CLASP1: variants seen among roughly 807,000 people sequenced by gnomAD.
CLASP1 encodes the protein cytoplasmic linker associated protein 1, also known as CLIP-associating protein 1.
Under a neutral mutation model 192.3 loss-of-function variants are expected in CLASP1, and 38 were observed. The observed-to-expected ratio is 0.20, with a 90% CI of 0.15 to 0.26. The LOEUF (loss-of-function observed/expected upper bound fraction) is 0.26. Ranked by LOEUF, CLASP1 falls within the 10% of genes least tolerant of loss-of-function variation. The pLI is 1.00. For synonymous variants in CLASP1, 691 were observed against 712.8 expected (o/e 0.97, Z 0.49); for missense variants, 1,433 against 1,932.5 (o/e 0.74, Z 4.85).
intron 8 of CLASP1, chr2:121,470,610 T>C: frequency 2.3e-6 from 1 of 443,216 alleles, no homozygotes; most frequent in Non-Finnish European, 4.5e-6. Context: ...TTCTAATTCC[T>C]CACCATTAGA....
intron 17 of CLASP1, 83 bp downstream of exon 17, chr2:121,448,867 AAAC>A (rs1559238229): frequency 1.4e-6 from 2 of 1,389,932 alleles, no homozygotes. Flanking sequence ...ACCCATGTAA[AAAC>A]ATAGCTAGAA....
chr2:121,473,519 C>T (rs2091121639), intron 8 of CLASP1, among the ~76,000 whole-genome samples: 1 of 152,144 alleles, frequency 6.6e-6, no homozygotes, highest in African/African-American at 2.4e-5. Context: ...CACAACACTG[C>T]AGGCCTGCAG....
intron 8 of CLASP1, among the ~76,000 whole-genome samples, chr2:121,478,952 A>C (rs1575284875): frequency 7.6e-4 from 16 of 21,190 alleles, no homozygotes; most frequent in South Asian, 6.3e-3. Flanking sequence ...CACACACACC[A>C]CACACACACA....
intron 8 of CLASP1, among the ~76,000 whole-genome samples, chr2:121,483,030 T>C (rs142287885): frequency 8.3e-4 from 126 of 152,226 alleles, no homozygotes; most frequent in African/African-American, 2.9e-3. Flanking sequence ...TCAGAGTTCA[T>C]CCAGCAGGAG....
At chr2:121,526,111 C>G (rs1205386204) in intron 5 of CLASP1, 191 bp from the exon 6 acceptor site, 17 of 600,760 alleles carry the variant, frequency 2.8e-5, no homozygotes, top group Non-Finnish European at 4.4e-5. Context: ...GAGTTCAAAA[C>G]CTAGGGTGGC....
At chr2:121,340,973 TAGC>T (rs759712349) in intron 39 of CLASP1, 26 bp from the exon 41 acceptor site, 2 of 1,483,940 alleles carry the variant, frequency 1.3e-6, no homozygotes, top group South Asian at 2.4e-5. Flanking sequence ...GAAACTGAAT[TAGC>T]AGGAAGAAAA....
intron 2 of CLASP1, among the ~76,000 whole-genome samples, chr2:121,574,863 G>C (rs2060345769): frequency 6.7e-6 from 1 of 149,510 alleles, no homozygotes; most frequent in African/African-American, 2.5e-5. Flanking sequence ...CTTGAACCAG[G>C]ACCCAGGAAT....
intron 25 of CLASP1, among the ~76,000 whole-genome samples, chr2:121,406,194 C>T (rs578132040): frequency 6.6e-6 from 1 of 152,190 alleles, no homozygotes; most frequent in East Asian, 1.9e-4. Context: ...GTCTATGGTG[C>T]CTTAGATTTG....
At chr2:121,623,950 A>C (rs2067837144) in intron 1 of CLASP1, among the ~76,000 whole-genome samples, 1 of 152,200 alleles carries the variant, frequency 6.6e-6, no homozygotes, top group South Asian at 2.1e-4. Flanking sequence ...GTTGGCATAA[A>C]ATGGTTCCTA....
rs367638364 is a variant in CLASP1 at position 121,530,972 on chromosome 2, G to T, written c.196-647C>A. 9.1e-5 allele frequency: 64 copies of T among 700,252 alleles called. 1 individual carries two copies. Among genetic ancestry groups the T allele is most frequent in the South Asian group, 5.3e-4 (36 of 67,508 alleles). 43.4% of individuals were successfully genotyped at this position (700,252 alleles called of 1,614,324 possible). Reference sequence around the variant, plus strand: ...CTGAACAACACACCCGCATCAACTAGAGCTTTTGCTTTATTTTGGTGCAAT... The same window carrying T: ...CTGAACAACACACCCGCATCAACTATAGCTTTTGCTTTATTTTGGTGCAAT... On this transcript the variant is annotated intron_variant, in intron 2 of 39. Transcript: ENST00000263710.
At chr2:121,510,986 T>G (rs1235890732) in intron 7 of CLASP1, among the ~76,000 whole-genome samples, 4 of 151,772 alleles carry the variant, frequency 2.6e-5, no homozygotes. Context: ...CAAGAGGCAG[T>G]GAAGGCAGCC....
At chr2:121,341,121 C>G (rs2062729206) in intron 39 of CLASP1, among the ~76,000 whole-genome samples, 174 bp from the exon 41 acceptor site, 1 of 152,142 alleles carries the variant, frequency 6.6e-6, no homozygotes, top group Non-Finnish European at 1.5e-5. Context: ...AATGCATCTG[C>G]CAGGTGCTAG....
rs543955260 is a variant in CLASP1 at position 121,377,713 on chromosome 2, T to C, written c.3492-64A>G. 7 of 1,103,390 alleles carry C rather than the reference T, an allele frequency of 6.3e-6. No homozygotes were observed. In the South Asian group the frequency reaches 8.9e-5, roughly 14 times the overall value. 68.3% of individuals were successfully genotyped at this position (1,103,390 alleles called of 1,614,324 possible). A position where few individuals can be genotyped will look rare whatever the true frequency, so the allele number is the denominator to read the frequency against. On this transcript the variant is annotated intron_variant, in intron 33 of 39. Transcript: ENST00000263710. Reference sequence around the variant, plus strand: ...TATACATAGAACTGAGATATGGGCATAAGTTACTTCCCACAATTTAAAGAA... The same window carrying C: ...TATACATAGAACTGAGATATGGGCACAAGTTACTTCCCACAATTTAAAGAA...
At chr2:121,578,407 G>C (rs1047867927) in intron 2 of CLASP1, among the ~76,000 whole-genome samples, 19 of 112,356 alleles carry the variant, frequency 1.7e-4, no homozygotes, top group Non-Finnish European at 2.0e-4. Context: ...GGACAACACA[G>C]TGAGAGACTA....
intron 7 of CLASP1, among the ~76,000 whole-genome samples, chr2:121,509,616 A>C (rs2094053576): frequency 2.0e-5 from 3 of 152,306 alleles, no homozygotes; most frequent in South Asian, 2.1e-4. Flanking sequence ...GGCAGGTGGA[A>C]CACACGAGGG....
intron 2 of CLASP1, among the ~76,000 whole-genome samples, chr2:121,583,341 A>C (rs985970946): frequency 1.3e-5 from 2 of 152,218 alleles, no homozygotes; most frequent in African/African-American, 4.8e-5. Flanking sequence ...AGGACCATTC[A>C]AATTCCAGTT....
intron 7 of CLASP1, chr2:121,504,996 T>C (rs1447281167): frequency 6.6e-6 from 1 of 152,232 alleles, no homozygotes; most frequent in Non-Finnish European, 1.5e-5. Flanking sequence ...TTATGATGTT[T>C]CCATTATCTT....
chr2:121,543,813 C>G (rs1237329387), intron 2 of CLASP1, among the ~76,000 whole-genome samples: 1 of 152,160 alleles, frequency 6.6e-6, no homozygotes, highest in African/African-American at 2.4e-5. Context: ...GATTCTTACA[C>G]AACCTTTCTC....
At chr2:121,641,083 A>C (rs888912493) in intron 1 of CLASP1, among the ~76,000 whole-genome samples, 1 of 152,222 alleles carries the variant, frequency 6.6e-6, no homozygotes, top group Non-Finnish European at 1.5e-5. Flanking sequence ...ATGCAGTTCA[A>C]GTCTCTTAGG....
Sources: gnomAD v4.1 joint callset for allele counts (sites outside exome capture counted in the v4.1 genomes callset) on GRCh38, gnomAD v4.1.1 for gene constraint, MANE v1.5 for transcripts, NCBI Gene and HGNC (gene_info 2026-07-23, HGNC 2026-07-21) for gene names.